PDHX: variants seen among roughly 807,000 people sequenced by gnomAD.
PDHX encodes the protein pyruvate dehydrogenase protein X component, mitochondrial.
In PDHX, 33 loss-of-function variants were observed where a neutral mutation model predicts 55.3. That is an observed-to-expected ratio of 0.60 (90% CI 0.45 to 0.80). The LOEUF (loss-of-function observed/expected upper bound fraction) is 0.80. PDHX is among the 30% of genes least tolerant of loss of function. The pLI is 0.00. For missense variants in PDHX, 622 were observed against 619.9 expected (o/e 1.00, Z -0.04); for synonymous variants, 226 against 219.4 (o/e 1.03, Z -0.27).
At chr11:34,958,180 TACA>T (rs1458381215) in intron 4 of PDHX, among the ~76,000 whole-genome samples, 1 of 152,234 alleles carries the variant, frequency 6.6e-6, no homozygotes, top group Non-Finnish European at 1.5e-5. Flanking sequence ...TATATAATTA[TACA>T]ACATTACTTT....
At chr11:34,974,696 A>G (rs1259793013) in intron 7 of PDHX, among the ~76,000 whole-genome samples, 3 of 152,068 alleles carry the variant, frequency 2.0e-5, no homozygotes, top group Admixed American at 6.6e-5. Context: ...GAGGCTGAGG[A>G]CAGGGGTTCG....
Position 34,960,404 on chromosome 11 carries a change from C to A in PDHX, c.543-16C>A. 1 of 1,548,454 alleles carries A rather than the reference C, an allele frequency of 6.5e-7. No homozygotes were observed. The highest frequency in any genetic ancestry group is 8.9e-7 in the Non-Finnish European group (1 of 1,120,710). ...AGTGTTAATTGGTTCTATTAACCTT[C>A]ATATTTTTTTCTTAGGTTCCGTTTA... On this transcript the variant is annotated splice_polypyrimidine_tract_variant and intron_variant, in intron 4 of 10. Transcript: ENST00000227868.
intron 2 of PDHX, 108 bp from the exon 3 acceptor site, chr11:34,947,398 A>G (rs1252049692): frequency 2.2e-5 from 17 of 761,802 alleles, no homozygotes; most frequent in Non-Finnish European, 3.3e-5. Context: ...CAACCCAGAA[A>G]TAGCTACGGA....
chr11:34,951,878 A>AG (rs1854779763), intron 3 of PDHX, among the ~76,000 whole-genome samples: 7 of 152,166 alleles, frequency 4.6e-5, no homozygotes, highest in African/African-American at 1.7e-4. Flanking sequence ...TTTTGTATAC[A>AG]GTGTAAGGAA....
intron 1 of PDHX, 47 bp downstream of exon 1, chr11:34,916,862 G>A: frequency 2.0e-6 from 3 of 1,513,274 alleles, no homozygotes; most frequent in Middle Eastern, 1.7e-4. Context: ...CTGAGTGATG[G>A]GCCTGGGACA....
chr11:34,976,877 A>G (rs1855390295), intron 7 of PDHX, among the ~76,000 whole-genome samples: 1 of 152,182 alleles, frequency 6.6e-6, no homozygotes, highest in Non-Finnish European at 1.5e-5. Flanking sequence ...TAAAGTGAAG[A>G]GAAAGCTGAG....
intron 5 of PDHX, among the ~76,000 whole-genome samples, chr11:34,960,784 C>T (rs1015022187): frequency 3.3e-5 from 5 of 152,004 alleles, no homozygotes; most frequent in African/African-American, 9.7e-5. Flanking sequence ...AAAATTAGAG[C>T]GTAGAACAGT....
chr11:34,958,801 C>T (rs749335878), intron 4 of PDHX, among the ~76,000 whole-genome samples: 7 of 152,214 alleles, frequency 4.6e-5, no homozygotes, highest in East Asian at 3.9e-4. Flanking sequence ...ATCAGAGACT[C>T]GCATGAATCA....
chr11:34,978,005 T>A (rs1855415273), intron 7 of PDHX, 119 bp from the exon 8 acceptor site: 1 of 677,336 alleles, frequency 1.5e-6, no homozygotes, highest in Non-Finnish European at 2.7e-6. Flanking sequence ...AAACAAAAGC[T>A]TGTAATTTTT....
chr11:34,951,207 C>T (rs1464028051), intron 3 of PDHX, among the ~76,000 whole-genome samples: 1 of 151,892 alleles, frequency 6.6e-6, no homozygotes, highest in Non-Finnish European at 1.5e-5. Context: ...CAGGCGCCCG[C>T]CATCACGCCC....
intron 2 of PDHX, among the ~76,000 whole-genome samples, chr11:34,934,940 A>G (rs961777165): frequency 1.3e-5 from 2 of 152,202 alleles, no homozygotes; most frequent in East Asian, 1.9e-4. Context: ...ATTAAAAAAA[A>G]AAAATCTCAC....
At position 34,947,511 on chromosome 11, in the gene PDHX, G is replaced by A; in HGVS notation, c.247G>A (p.Ala83Thr). The change falls in exon 3 of 11, where the codon GCG becomes ACG. Residue 83 changes from alanine to threonine, a missense_variant. Physicochemically the swap from Ala to Thr is moderately conservative, Grantham distance 58. Coordinates refer to ENST00000227868, the MANE Select transcript of PDHX (RefSeq NM_003477.3). ...AACCCAGTCTTGTTTTGTAGGTGAA[G>A]CGGTGAGTGCTGGAGATGCATTATG... ...IVKWLKKEGE[A>T]VSAGDALCEI... 3 of 1,610,324 alleles carry A rather than the reference G, an allele frequency of 1.9e-6. No homozygotes were observed. Among genetic ancestry groups the A allele is most frequent in the South Asian group, 2.2e-5 (2 of 90,862 alleles).
intron 7 of PDHX, among the ~76,000 whole-genome samples, chr11:34,971,745 G>A (rs1855262713): frequency 6.6e-6 from 1 of 151,778 alleles, no homozygotes; most frequent in Non-Finnish European, 1.5e-5. Flanking sequence ...TTTCTTTTCT[G>A]GAGACATTTT....
intron 3 of PDHX, among the ~76,000 whole-genome samples, chr11:34,949,831 G>GTATTTATTGACTAGCAATA: frequency 6.6e-6 from 1 of 152,058 alleles, no homozygotes; most frequent in Non-Finnish European, 1.5e-5. Context: ...TGTTTGCAAT[G>GTATTTATTGACTAGCAATA]TATTTATTGA....
chr11:34,995,454 A>G lies in PDHX; in HGVS notation c.*282A>G. 1 of 388,788 alleles carries G rather than the reference A, an allele frequency of 2.6e-6. No individual in the cohort carries two copies. Among genetic ancestry groups the G allele is most frequent in the Non-Finnish European group, 4.8e-6 (1 of 206,330 alleles). The allele number at this position is 388,788 out of a possible 1,614,324, so 24.1% of individuals were successfully genotyped here. A position where few individuals can be genotyped will look rare whatever the true frequency, so the allele number is the denominator to read the frequency against. ...CTGTATAAAGGGAATATTAAACTAG[A>G]TGTAAATCAAAGTATATGTTTGGCT... On this transcript the variant is annotated 3_prime_UTR_variant, in exon 11 of 11. Transcript: ENST00000227868.
rs1195485093 is a variant in PDHX at position 34,970,277 on chromosome 11, C to G, written c.955C>G (p.Leu319Val). The change falls in exon 7 of 11, where the codon CTG (leucine) becomes GTG (valine). Residue 319 changes from leucine (L) to valine (V), a missense_variant. By Grantham distance (32) the Leu-to-Val change is conservative (BLOSUM62 1). Transcript: ENST00000227868. ...LGAVLKVRQD[L>V]VKDDIKVSVN... is the part of the protein sequence containing the mutation. ...AGCTGTTTTAAAAGTTAGGCAAGATCTGGTCAAAGGTTAGTAAAATTGAAT... is the reference window on the plus strand; with the variant it reads ...AGCTGTTTTAAAAGTTAGGCAAGATGTGGTCAAAGGTTAGTAAAATTGAAT... 2 of 1,613,102 alleles carry G rather than the reference C, an allele frequency of 1.2e-6. No homozygotes were observed. The highest frequency in any genetic ancestry group is 1.7e-6 in the Non-Finnish European group (2 of 1,179,278).
At chr11:34,969,635 G>T (rs1018685614) in intron 6 of PDHX, among the ~76,000 whole-genome samples, 5 of 152,114 alleles carry the variant, frequency 3.3e-5, no homozygotes, top group Non-Finnish European at 7.4e-5. Context: ...GTGAGCCACC[G>T]TGCCCAGCCC....
rs575818463 is a variant in PDHX at position 34,984,014 on chromosome 11, A to C, written c.1024-556A>C. Among the ~76,000 whole-genome samples, 3 of 152,350 alleles carry C rather than the reference A, an allele frequency of 2.0e-5. No homozygotes were observed. In the East Asian group the frequency reaches 5.8e-4, roughly 29 times the overall value. On this transcript the variant is annotated intron_variant, in intron 8 of 10. Coordinates refer to ENST00000227868, the MANE Select transcript of PDHX (RefSeq NM_003477.3). ...AAAGCTGGAGGCATCACGCTACCTG[A>C]CTTCAAACTATAGTACAAGGCTACA...
In PDHX at chr11:34,994,958, T is replaced by C. The variant is rs756023441; in HGVS notation, c.1292T>C (p.Val431Ala). The C allele has an allele frequency of 1.2e-6, 2 of 1,613,826 alleles. No individual in the cohort carries two copies. The highest frequency in any genetic ancestry group is 2.7e-5 in the African/African-American group (2 of 74,904). The change falls in exon 11 of 11, where the codon GTG becomes GCG. Residue 431 changes from valine to alanine, a missense_variant. Physicochemically the swap from Val to Ala is moderately conservative, Grantham distance 64. Transcript: ENST00000227868. ...TTTGGCATCGACGAATTTACTGCAG[T>C]GATTAACCCTCCTCAGGCCTGCATT... ...GMFGIDEFTAVINPPQACILA... is the reference protein window; with the variant it reads ...GMFGIDEFTAAINPPQACILA...
Sources: allele counts gnomAD v4.1 joint callset (sites outside exome capture counted in the v4.1 genomes callset), GRCh38; gene constraint gnomAD v4.1.1; transcripts MANE v1.5; gene names NCBI Gene and HGNC (gene_info 2026-07-23, HGNC 2026-07-21).